The following ARHGAP15 variants were observed in gnomAD, a reference collection of about 807,000 sequenced individuals.
ARHGAP15 encodes the protein rho GTPase-activating protein 15.
ARHGAP15 carries 51 observed loss-of-function variants against 63.7 expected under a neutral mutation model. The observed-to-expected ratio is 0.80, with a 90% CI of 0.64 to 1.01. The LOEUF is 1.01. Among genes scored for constraint, ARHGAP15 ranks in the 50% least tolerant of loss-of-function variants. The pLI is 0.00. For missense variants in ARHGAP15, 560 were observed against 564.6 expected (o/e 0.99, Z 0.08); for synonymous variants, 191 against 193.8 (o/e 0.99, Z 0.12).
intron 2 of ARHGAP15, among the ~76,000 whole-genome samples, chr2:143,183,527 A>G (rs73962366): frequency 0.019 from 2,859 of 152,276 alleles, 115 homozygotes; most frequent in African/African-American, 0.066. Flanking sequence ...ATATCTTTTA[A>G]AAATGATTAA....
intron 6 of ARHGAP15, among the ~76,000 whole-genome samples, chr2:143,355,803 C>A (rs1054919345): frequency 1.3e-5 from 2 of 152,132 alleles, no homozygotes; most frequent in East Asian, 3.9e-4. Flanking sequence ...TATATCTGCA[C>A]CTGATGTTGC....
chr2:143,489,540 T>TG (rs1356980174), intron 9 of ARHGAP15, among the ~76,000 whole-genome samples: 2 of 152,178 alleles, frequency 1.3e-5, no homozygotes, highest in African/African-American at 4.8e-5. Flanking sequence ...ACTAAGTTTT[T>TG]GGGTTTTTTT....
At chr2:143,417,668 G>C (rs1688746164) in intron 6 of ARHGAP15, among the ~76,000 whole-genome samples, 4 of 152,122 alleles carry the variant, frequency 2.6e-5, no homozygotes, top group Admixed American at 2.0e-4. Flanking sequence ...GACCAAAGTG[G>C]TATCTGCCAA....
At chr2:143,265,439 G>A (rs572934262) in intron 6 of ARHGAP15, among the ~76,000 whole-genome samples, 20 of 152,146 alleles carry the variant, frequency 1.3e-4, no homozygotes, top group African/African-American at 4.6e-4. Flanking sequence ...GTTGCTGATG[G>A]AAAAGCTCAA....
At chr2:143,655,284 T>A (rs1681379043) in intron 12 of ARHGAP15, among the ~76,000 whole-genome samples, 1 of 151,768 alleles carries the variant, frequency 6.6e-6, no homozygotes, top group Non-Finnish European at 1.5e-5. Flanking sequence ...TCCCCCCAAG[T>A]CCCCAAAGTC....
intron 6 of ARHGAP15, among the ~76,000 whole-genome samples, chr2:143,379,284 T>C (rs2381469): frequency 0.049 from 7,378 of 152,030 alleles, 471 homozygotes; most frequent in Admixed American, 0.2. Context: ...TGCTGATCAG[T>C]GCTTGAATTC....
At chr2:143,276,687 A>C (rs1681569878) in intron 6 of ARHGAP15, among the ~76,000 whole-genome samples, 1 of 152,092 alleles carries the variant, frequency 6.6e-6, no homozygotes, top group African/African-American at 2.4e-5. Context: ...AGTTTTAGCT[A>C]CTTGGGAGGC....
intron 2 of ARHGAP15, among the ~76,000 whole-genome samples, chr2:143,198,270 A>G (rs765432786): frequency 8.6e-5 from 13 of 151,968 alleles, no homozygotes; most frequent in Non-Finnish European, 1.5e-4. Context: ...CTTTGTATAA[A>G]TTTCTCAATT....
At chr2:143,459,071 CT>C (rs984672196) in intron 8 of ARHGAP15, among the ~76,000 whole-genome samples, 1 of 152,054 alleles carries the variant, frequency 6.6e-6, no homozygotes, top group Non-Finnish European at 1.5e-5. Context: ...TATACAGCAC[CT>C]TAAGAGTTTT....
intron 8 of ARHGAP15, among the ~76,000 whole-genome samples, chr2:143,440,195 A>G (rs1017959222): frequency 6.6e-6 from 1 of 152,178 alleles, no homozygotes; most frequent in Non-Finnish European, 1.5e-5. Flanking sequence ...TAGACCATGC[A>G]TTTGAAATAG....
rs77756885 is a variant in ARHGAP15 at position 143,284,980 on chromosome 2, A to T, written c.474+34380A>T. Among the ~76,000 whole-genome samples, 21 of 152,288 alleles carry T rather than the reference A, an allele frequency of 1.4e-4. No homozygotes were observed. The East Asian group carries it at 3.9e-3, about 28-fold the overall frequency. ...TTTTACATAACATATAAGCCTTTGG[A>T]AATAAATATTACAGACTTCTAATGT... is the stretch of plus-strand genomic sequence containing the variant. On this transcript the variant is annotated intron_variant, in intron 6 of 13. Coordinates refer to ENST00000295095, the MANE Select transcript of ARHGAP15 (RefSeq NM_018460.4).
At chr2:143,674,548 A>T (rs961815913) in intron 12 of ARHGAP15, among the ~76,000 whole-genome samples, 1 of 152,182 alleles carries the variant, frequency 6.6e-6, no homozygotes, top group Non-Finnish European at 1.5e-5. Flanking sequence ...ACTGTTGGTT[A>T]TGTGAGGGCC....
intron 11 of ARHGAP15, among the ~76,000 whole-genome samples, chr2:143,566,822 G>A (rs1382222066): frequency 1.3e-5 from 2 of 151,414 alleles, no homozygotes; most frequent in African/African-American, 4.9e-5. Flanking sequence ...TACCCACCCA[G>A]CCACTACCTT....
intron 6 of ARHGAP15, among the ~76,000 whole-genome samples, chr2:143,380,749 C>T (rs1687025094): frequency 6.6e-6 from 1 of 152,018 alleles, no homozygotes; most frequent in African/African-American, 2.4e-5. Context: ...CCTAGGACTC[C>T]AAGTACAGAC....
At chr2:143,590,064 T>A (rs1697261430) in intron 11 of ARHGAP15, among the ~76,000 whole-genome samples, 1 of 152,182 alleles carries the variant, frequency 6.6e-6, no homozygotes, top group Non-Finnish European at 1.5e-5. Context: ...ATTTGCTCCA[T>A]GAAGCAGTCA....
intron 13 of ARHGAP15, among the ~76,000 whole-genome samples, chr2:143,749,016 C>T (rs1252486577): frequency 6.6e-6 from 1 of 151,598 alleles, no homozygotes; most frequent in Non-Finnish European, 1.5e-5. Flanking sequence ...GAAAAAAATA[C>T]ACATTACAAC....
intron 11 of ARHGAP15, among the ~76,000 whole-genome samples, chr2:143,617,779 T>A (rs1698504504): frequency 6.6e-6 from 1 of 152,208 alleles, no homozygotes; most frequent in Admixed American, 6.5e-5. Context: ...AATATGATTC[T>A]AGGGAAGAGT....
chr2:143,208,498 T>A (rs2105127655), intron 3 of ARHGAP15, among the ~76,000 whole-genome samples: 1 of 152,318 alleles, frequency 6.6e-6, no homozygotes, highest in South Asian at 2.1e-4. Flanking sequence ...ATTCCTAATC[T>A]GAATCTAAAA....
intron 6 of ARHGAP15, among the ~76,000 whole-genome samples, chr2:143,316,725 T>C (rs1683738065): frequency 1.3e-5 from 2 of 151,832 alleles, no homozygotes; most frequent in Admixed American, 1.3e-4. Flanking sequence ...TCTCCAAATA[T>C]GTAATCTCAC....
Sources: gnomAD v4.1 joint callset for allele counts (sites outside exome capture counted in the v4.1 genomes callset) on GRCh38, gnomAD v4.1.1 for gene constraint, MANE v1.5 for transcripts, NCBI Gene and HGNC (gene_info 2026-07-23, HGNC 2026-07-21) for gene names.